Variants in HS3ST2 observed in about 807,000 individuals in gnomAD.
The protein encoded by HS3ST2 is heparan sulfate glucosamine 3-O-sulfotransferase 2.
In HS3ST2, 17 loss-of-function variants were observed where a neutral mutation model predicts 26.3. That is an observed-to-expected ratio of 0.65 (90% confidence interval 0.44 to 0.97). The LOEUF (loss-of-function observed/expected upper bound fraction) is 0.97. Among genes scored for constraint, HS3ST2 ranks in the 50% least tolerant of loss-of-function variants. The probability of loss-of-function intolerance (pLI) is 0.00; values close to 1 mark genes in which losing one functional copy is unlikely to be tolerated. For missense variants in HS3ST2, 402 were observed against 501.2 expected, an observed-to-expected ratio of 0.80 and a Z score of 1.89; for synonymous variants, 237 against 219.2, an observed-to-expected ratio of 1.08 and a Z score of -0.72.
chr16:22,910,157 G>T (rs1902408208), intron 1 of HS3ST2, among the ~76,000 whole-genome samples: 1 of 152,134 alleles, frequency 6.6e-6, no homozygotes, highest in Non-Finnish European at 1.5e-5. Context: ...GATTTGGTCA[G>T]CATTTTCCAA....
intron 1 of HS3ST2, among the ~76,000 whole-genome samples, chr16:22,825,082 T>G (rs1001000593): frequency 3.3e-5 from 5 of 152,178 alleles, no homozygotes; most frequent in African/African-American, 1.2e-4. Context: ...GGAAGGCAGT[T>G]TCAGCATAGC....
At chr16:22,902,213 C>G (rs975101349) in intron 1 of HS3ST2, among the ~76,000 whole-genome samples, 2 of 152,148 alleles carry the variant, frequency 1.3e-5, no homozygotes, top group Non-Finnish European at 2.9e-5. Context: ...AGATCCACCT[C>G]ATTTCTTGAC....
Position 22,814,862 on chromosome 16 carries a change from C to A in HS3ST2, c.252C>A (p.Ser84Arg). 3 of 1,559,266 alleles carry A rather than the reference C, an allele frequency of 1.9e-6. No homozygotes were observed. The highest frequency in any genetic ancestry group is 2.6e-6 in the Non-Finnish European group (3 of 1,152,710). Residue 84 changes from serine to arginine, a missense_variant, in exon 1 of 2, where the codon AGC (serine) becomes AGA (arginine). Around this residue, in one of 2 missense-constraint regions of HS3ST2, gnomAD observed 165 missense variants for 154.6 expected, o/e 1.07. Coordinates refer to ENST00000261374, the MANE Select transcript of HS3ST2 (RefSeq NM_006043.2). ...DPSGPTPSEP[S>R]APSAPAAAVP... ...CCGGGCCGACGCCCAGCGAGCCCAGCGCTCCCAGCGCGCCCGCCGCCGCCG... is the reference window on the plus strand; with the variant it reads ...CCGGGCCGACGCCCAGCGAGCCCAGAGCTCCCAGCGCGCCCGCCGCCGCCG...
At chr16:22,889,321 G>A (rs1390997343) in intron 1 of HS3ST2, among the ~76,000 whole-genome samples, 1 of 152,078 alleles carries the variant, frequency 6.6e-6, no homozygotes, top group African/African-American at 2.4e-5. Context: ...AGTTGCGAAG[G>A]GCATCCTGTA....
chr16:22,875,942 G>A (rs1429763319), intron 1 of HS3ST2, among the ~76,000 whole-genome samples: 1 of 152,210 alleles, frequency 6.6e-6, no homozygotes, highest in Non-Finnish European at 1.5e-5. Context: ...GTCTAGGTTT[G>A]TAGCCTAGGC....
rs551013138 is a variant in HS3ST2, at chr16:22,870,350, T to C, written c.486-44594T>C. Among the ~76,000 whole-genome samples, 120 of 152,296 alleles carry C rather than the reference T, an allele frequency of 7.9e-4. 2 individuals carry two copies. In the Middle Eastern group the frequency reaches 0.017, roughly 22 times the overall value. ...TCACCCACTCTCAGCCAAGCCACCA[T>C]CATCTCTTTCGTGGATGACTGGGTG... On this transcript the variant is annotated intron_variant, in intron 1 of 1. Transcript: ENST00000261374.
At chr16:22,878,285 G>A (rs1415033633) in intron 1 of HS3ST2, among the ~76,000 whole-genome samples, 2 of 152,104 alleles carry the variant, frequency 1.3e-5, no homozygotes, top group African/African-American at 4.8e-5. Context: ...AACAGTGCAG[G>A]AAATAGAAAA....
intron 1 of HS3ST2, among the ~76,000 whole-genome samples, chr16:22,868,975 A>C (rs1305918855): frequency 2.0e-5 from 3 of 151,988 alleles, no homozygotes; most frequent in Non-Finnish European, 4.4e-5. Context: ...AATCACGTGT[A>C]AATGCTGTCC....
At chr16:22,867,526 G>A (rs943085707) in intron 1 of HS3ST2, among the ~76,000 whole-genome samples, 1 of 152,138 alleles carries the variant, frequency 6.6e-6, no homozygotes, top group Middle Eastern at 3.2e-3. Context: ...ACAAGAAAGA[G>A]ATAAACAACC....
intron 1 of HS3ST2, among the ~76,000 whole-genome samples, chr16:22,816,361 TAGAA>T (rs997066531): frequency 1.6e-4 from 25 of 152,248 alleles, no homozygotes; most frequent in African/African-American, 6.0e-4. Context: ...ACAACTTTGT[TAGAA>T]AGAGGACCCC....
chr16:22,823,381 C>A (rs1350297104), intron 1 of HS3ST2, among the ~76,000 whole-genome samples: 1 of 152,132 alleles, frequency 6.6e-6, no homozygotes, highest in East Asian at 1.9e-4. Flanking sequence ...TAATACATCT[C>A]ACTGTGTGAT....
intron 1 of HS3ST2, among the ~76,000 whole-genome samples, chr16:22,898,404 C>T (rs1902236085): frequency 6.6e-6 from 1 of 152,192 alleles, no homozygotes; most frequent in Non-Finnish European, 1.5e-5. Context: ...AAGATAATTA[C>T]AGATGGTGCT....
At chr16:22,914,174 C>A (rs978951254) in intron 1 of HS3ST2, among the ~76,000 whole-genome samples, 1 of 151,990 alleles carries the variant, frequency 6.6e-6, no homozygotes, top group Non-Finnish European at 1.5e-5. Flanking sequence ...TCATTTATCC[C>A]TCATCTTCTA....
intron 1 of HS3ST2, among the ~76,000 whole-genome samples, chr16:22,873,855 G>A (rs912290057): frequency 8.5e-5 from 13 of 152,160 alleles, no homozygotes; most frequent in Non-Finnish European, 1.3e-4. Flanking sequence ...GGTCGACTGC[G>A]GCTGACTGAT....
chr16:22,874,187 A>G (rs1487090904), intron 1 of HS3ST2, among the ~76,000 whole-genome samples: 1 of 152,152 alleles, frequency 6.6e-6, no homozygotes, highest in Non-Finnish European at 1.5e-5. Context: ...AAGCCAAGCT[A>G]GAAAACTGTT....
chr16:22,891,284 C>T (rs117384048), intron 1 of HS3ST2, among the ~76,000 whole-genome samples: 10 of 152,310 alleles, frequency 6.6e-5, no homozygotes, highest in East Asian at 1.9e-4. Flanking sequence ...GCGCCTACTA[C>T]GCATCAGAAC....
intron 1 of HS3ST2, among the ~76,000 whole-genome samples, chr16:22,859,987 G>A (rs1901651740): frequency 6.6e-6 from 1 of 152,172 alleles, no homozygotes; most frequent in South Asian, 2.1e-4. Context: ...CCTCAAACAT[G>A]TCAGGTTCAC....
Position 22,879,335 on chromosome 16 carries a change from C to T in HS3ST2, c.486-35609C>T, listed in dbSNP as rs144270128. Among the ~76,000 whole-genome samples the T allele has an allele frequency of 1.3e-3, 191 of 152,320 alleles. 2 individuals are homozygous for T. The highest frequency in any genetic ancestry group is 2.5e-3 in the Non-Finnish European group (172 of 68,026). ...CAGAGCTTTCTAACAGCTAAGGCCC[C>T]GCAGGCAGGACTGCTGGTATCACGA... On this transcript the variant is annotated intron_variant, in intron 1 of 1. Coordinates refer to ENST00000261374, the MANE Select transcript of HS3ST2 (RefSeq NM_006043.2).
At chr16:22,843,068 A>C (rs1167776952) in intron 1 of HS3ST2, among the ~76,000 whole-genome samples, 2 of 152,088 alleles carry the variant, frequency 1.3e-5, no homozygotes, top group Non-Finnish European at 2.9e-5. Flanking sequence ...TTGTGTAGGG[A>C]AAAACTTTCT....
Sources: allele counts gnomAD v4.1 joint callset (sites outside exome capture counted in the v4.1 genomes callset), GRCh38; gene constraint gnomAD v4.1.1; regional missense constraint gnomAD v4.1.1; transcripts MANE v1.5; gene names NCBI Gene and HGNC (gene_info 2026-07-23, HGNC 2026-07-21).